The following NYAP2 variants were observed in gnomAD, a reference collection of about 807,000 sequenced individuals.
NYAP2 encodes the protein neuronal tyrosine-phosphorylated phosphoinositide-3-kinase adapter 2.
A neutral mutation model predicts 50.4 loss-of-function variants in NYAP2; 23 were observed. The ratio of observed to expected loss-of-function variants is 0.46; its 90% CI spans 0.33 to 0.65. The LOEUF is 0.65. Ranked by LOEUF, NYAP2 falls within the 30% of genes least tolerant of loss-of-function variation. The probability of loss-of-function intolerance (pLI) is 0.02; values close to 1 mark genes in which losing one functional copy is unlikely to be tolerated. For missense variants in NYAP2, 885 were observed against 861.0 expected (o/e 1.03, Z -0.35); for synonymous variants, 394 against 365.2 (o/e 1.08, Z -0.90).
At chr2:225,703,621 C>T in the NYAP2 span, 2 of 151,536 alleles carry the variant, frequency 1.3e-5, no homozygotes, top group African/African-American at 4.8e-5. Context: ...TTTGTGCTCC[C>T]GTGTAATTAT....
chr2:225,636,602 G>A (rs952249427), intron 6 of NYAP2, among the ~76,000 whole-genome samples: 1 of 151,866 alleles, frequency 6.6e-6, no homozygotes, highest in Non-Finnish European at 1.5e-5. Context: ...GTATGGTAAT[G>A]TGCTTTCATA....
At chr2:225,557,076 A>C (rs897978820) in intron 4 of NYAP2, among the ~76,000 whole-genome samples, 1 of 152,192 alleles carries the variant, frequency 6.6e-6, no homozygotes, top group Non-Finnish European at 1.5e-5. Flanking sequence ...ATTTTTAGAT[A>C]TAGAACAGAT....
At chr2:225,593,061 GT>G (rs781662650) in intron 5 of NYAP2, among the ~76,000 whole-genome samples, 1 of 151,994 alleles carries the variant, frequency 6.6e-6, no homozygotes, top group Non-Finnish European at 1.5e-5. Flanking sequence ...TTTAATTTCT[GT>G]TTTTTTAGAG....
chr2:225,590,002 T>C (rs1232884453), intron 5 of NYAP2, among the ~76,000 whole-genome samples: 1 of 152,170 alleles, frequency 6.6e-6, no homozygotes, highest in Non-Finnish European at 1.5e-5. Flanking sequence ...CGGAACCTCT[T>C]GTACTCTGGA....
chr2:225,402,060 G>A (rs1319989023), intron 2 of NYAP2, among the ~76,000 whole-genome samples: 2 of 151,972 alleles, frequency 1.3e-5, no homozygotes, highest in Non-Finnish European at 2.9e-5. Context: ...ATGAGAAAAT[G>A]TGGTCCACAA....
intron 3 of NYAP2, among the ~76,000 whole-genome samples, chr2:225,426,731 G>A (rs987664637): frequency 2.0e-5 from 3 of 152,164 alleles, no homozygotes; most frequent in Non-Finnish European, 4.4e-5. Flanking sequence ...TATTAGTACA[G>A]TTTGATGATT....
intron 6 of NYAP2, among the ~76,000 whole-genome samples, chr2:225,646,848 A>G (rs930399439): frequency 1.3e-5 from 2 of 152,022 alleles, no homozygotes; most frequent in South Asian, 4.1e-4. Context: ...ATGAACCTAG[A>G]CATGATCTGG....
chr2:225,425,824 CTTTG>C (rs1695278744), intron 3 of NYAP2, among the ~76,000 whole-genome samples: 1 of 152,038 alleles, frequency 6.6e-6, no homozygotes, highest in South Asian at 2.1e-4. Context: ...AGGGAAACTC[CTTTG>C]TTTAAGTAAT....
intron 3 of NYAP2, among the ~76,000 whole-genome samples, chr2:225,477,449 G>T (rs1020424855): frequency 6.6e-6 from 1 of 151,930 alleles, no homozygotes; most frequent in East Asian, 1.9e-4. Context: ...TGTTAGCCAG[G>T]ATGGTCTCGA....
intron 5 of NYAP2, among the ~76,000 whole-genome samples, chr2:225,595,220 T>C (rs1692575930): frequency 6.6e-6 from 1 of 152,206 alleles, no homozygotes; most frequent in Non-Finnish European, 1.5e-5. Flanking sequence ...AAACAATAGC[T>C]AGAAGCAGTC....
chr2:225,580,190 G>A (rs984265983), intron 4 of NYAP2, among the ~76,000 whole-genome samples: 3 of 152,190 alleles, frequency 2.0e-5, no homozygotes, highest in Non-Finnish European at 4.4e-5. Context: ...TCCAAGTCCT[G>A]ACCAAAACTT....
chr2:225,661,398 A>G, the NYAP2 span, among the ~76,000 whole-genome samples: 103 of 152,320 alleles, frequency 6.8e-4, no homozygotes, highest in East Asian at 0.018. Flanking sequence ...GCAAATGAAC[A>G]TTATCCTTCA....
intron 4 of NYAP2, among the ~76,000 whole-genome samples, chr2:225,532,936 C>G (rs979889524): frequency 6.6e-6 from 1 of 152,156 alleles, no homozygotes; most frequent in Admixed American, 6.5e-5. Context: ...TGGCACGATA[C>G]TATGCTAGGC....
chr2:225,523,384 C>T (rs148136223), intron 4 of NYAP2, among the ~76,000 whole-genome samples: 83 of 150,364 alleles, frequency 5.5e-4, no homozygotes, highest in African/African-American at 1.9e-3. Context: ...TAAAGTACCA[C>T]GATAGGAAAT....
At chr2:225,579,136 C>T (rs1254119239) in intron 4 of NYAP2, among the ~76,000 whole-genome samples, 1 of 151,066 alleles carries the variant, frequency 6.6e-6, no homozygotes, top group African/African-American at 2.4e-5. Context: ...GCTGTCTCTT[C>T]TTATAATCAA....
intron 3 of NYAP2, among the ~76,000 whole-genome samples, chr2:225,465,664 C>T (rs1424182137): frequency 1.3e-5 from 2 of 152,006 alleles, no homozygotes; most frequent in African/African-American, 4.8e-5. Context: ...TGCAGTGAGC[C>T]GAGATCGCGC....
chr2:225,585,334 C>T (rs958957691), intron 5 of NYAP2, among the ~76,000 whole-genome samples: 7 of 152,124 alleles, frequency 4.6e-5, no homozygotes, highest in African/African-American at 1.7e-4. Flanking sequence ...GGATCCTTAA[C>T]AGCTCCAGCT....
At chr2:225,425,987 C>T (rs541776272) in intron 3 of NYAP2, among the ~76,000 whole-genome samples, 1 of 151,696 alleles carries the variant, frequency 6.6e-6, no homozygotes, top group Non-Finnish European at 1.5e-5. Flanking sequence ...TAAGGGTAAG[C>T]TCAAGTTTAA....
At chr2:225,514,218 T>A (rs1690887161) in intron 4 of NYAP2, among the ~76,000 whole-genome samples, 1 of 152,230 alleles carries the variant, frequency 6.6e-6, no homozygotes, top group Non-Finnish European at 1.5e-5. Flanking sequence ...ACAAGTCAAA[T>A]ATATCCCAGC....
Sources: gnomAD v4.1 joint callset for allele counts (sites outside exome capture counted in the v4.1 genomes callset) on GRCh38, gnomAD v4.1.1 for gene constraint, MANE v1.5 for transcripts, NCBI Gene and HGNC (gene_info 2026-07-23, HGNC 2026-07-21) for gene names.